The following AOPEP variants were observed in gnomAD, a reference collection of about 807,000 sequenced individuals.
The protein encoded by AOPEP is aminopeptidase O (putative).
A neutral mutation model predicts 98.1 loss-of-function variants in AOPEP; 77 were observed. That is an observed-to-expected ratio of 0.78 (90% CI 0.65 to 0.95). The LOEUF is 0.95. Among genes scored for constraint, AOPEP ranks in the 40% least tolerant of loss-of-function variants. The pLI is 0.00. For synonymous variants in AOPEP, 346 were observed against 365.3 expected, an observed-to-expected ratio of 0.95 and a Z score of 0.60; for missense variants, 1,024 against 1,024.7, an observed-to-expected ratio of 1.00 and a Z score of 0.01.
At chr9:94,914,333 C>T (rs2052493183) in intron 5 of AOPEP, among the ~76,000 whole-genome samples, 1 of 152,208 alleles carries the variant, frequency 6.6e-6, no homozygotes, top group Non-Finnish European at 1.5e-5. Context: ...GGACCAGCTC[C>T]GATTCAGCTG....
intron 5 of AOPEP, among the ~76,000 whole-genome samples, chr9:94,861,129 T>G (rs973684244): frequency 6.6e-5 from 10 of 152,152 alleles, no homozygotes; most frequent in Admixed American, 2.6e-4. Context: ...ACTCTGCATA[T>G]GGATGGCAGT....
At chr9:95,008,438 AGGAGCTACAC>A (rs1368870206) in intron 13 of AOPEP, among the ~76,000 whole-genome samples, 1 of 152,220 alleles carries the variant, frequency 6.6e-6, no homozygotes, top group African/African-American at 2.4e-5. Context: ...GCGCTGAGCA[AGGAGCTACAC>A]GGTAGAACGG....
At chr9:94,922,804 T>G (rs1198317032) in intron 5 of AOPEP, among the ~76,000 whole-genome samples, 1 of 152,236 alleles carries the variant, frequency 6.6e-6, no homozygotes, top group East Asian at 1.9e-4. Context: ...CTGTTATTAC[T>G]TCACATGAAA....
chr9:94,822,226 C>T (rs1241311237), intron 5 of AOPEP, among the ~76,000 whole-genome samples: 9 of 152,186 alleles, frequency 5.9e-5, no homozygotes, highest in Non-Finnish European at 1.2e-4. Flanking sequence ...GGCCCTTTGA[C>T]CCCTTTAAGG....
intron 7 of AOPEP, chr9:94,931,928 T>C (rs2055381371): frequency 8.8e-7 from 1 of 1,139,450 alleles, no homozygotes; most frequent in Admixed American, 2.9e-5. Flanking sequence ...TCCACTTCAA[T>C]AGCCCAAGGC....
At chr9:95,029,364 G>A (rs376521685) in intron 13 of AOPEP, among the ~76,000 whole-genome samples, 12 of 152,146 alleles carry the variant, frequency 7.9e-5, no homozygotes, top group Non-Finnish European at 1.3e-4. Context: ...TTTTGTCTGC[G>A]TGTGTTACTG....
intron 13 of AOPEP, among the ~76,000 whole-genome samples, chr9:95,007,284 A>AT (rs2062102857): frequency 6.6e-6 from 1 of 151,864 alleles, no homozygotes; most frequent in Non-Finnish European, 1.5e-5. Context: ...ATCTTTGTGG[A>AT]TTACTAGATG....
chr9:94,937,036 G>A (rs1243780094), intron 7 of AOPEP, among the ~76,000 whole-genome samples: 4 of 152,180 alleles, frequency 2.6e-5, no homozygotes, highest in South Asian at 2.1e-4. Flanking sequence ...TGGAGGCTTC[G>A]TTATACAGAC....
intron 13 of AOPEP, among the ~76,000 whole-genome samples, chr9:95,030,241 A>G (rs1343410346): frequency 6.6e-6 from 1 of 152,208 alleles, no homozygotes; most frequent in Non-Finnish European, 1.5e-5. Flanking sequence ...TTGTCTTTTA[A>G]GAAGAATAAT....
chr9:95,071,151 T>A (rs967050473), intron 14 of AOPEP, among the ~76,000 whole-genome samples: 3 of 152,120 alleles, frequency 2.0e-5, no homozygotes, highest in Non-Finnish European at 4.4e-5. Flanking sequence ...AGACCAGAAA[T>A]GTTTCAGATT....
the AOPEP span, among the ~76,000 whole-genome samples, chr9:95,139,852 A>G: frequency 6.8e-6 from 1 of 147,058 alleles, no homozygotes; most frequent in Non-Finnish European, 1.5e-5. Context: ...ATATATATAT[A>G]AATATATATA....
At chr9:94,925,263 A>G (rs1274131292) in intron 6 of AOPEP, among the ~76,000 whole-genome samples, 1 of 152,248 alleles carries the variant, frequency 6.6e-6, no homozygotes, top group Non-Finnish European at 1.5e-5. Context: ...TGCTGGGATT[A>G]CAGGCGTGAG....
At chr9:94,858,124 A>G (rs984318851) in intron 5 of AOPEP, among the ~76,000 whole-genome samples, 1 of 151,838 alleles carries the variant, frequency 6.6e-6, no homozygotes, top group South Asian at 2.1e-4. Context: ...ACCCTGGTTA[A>G]TTGTTACATC....
chr9:94,901,865 C>T (rs776269781), intron 5 of AOPEP, among the ~76,000 whole-genome samples: 4 of 151,854 alleles, frequency 2.6e-5, no homozygotes, highest in African/African-American at 9.7e-5. Context: ...GCTGAGATCG[C>T]GCCACTGCAC....
At chr9:94,918,478 G>A (rs1254671570) in intron 5 of AOPEP, among the ~76,000 whole-genome samples, 1 of 152,142 alleles carries the variant, frequency 6.6e-6, no homozygotes, top group Non-Finnish European at 1.5e-5. Context: ...GCTTGAGCTG[G>A]CACAGAGGGA....
chr9:94,801,137 C>G, intron 5 of AOPEP, 135 bp downstream of exon 5: 2 of 1,025,056 alleles, frequency 2.0e-6, no homozygotes, highest in Non-Finnish European at 3.0e-6. Flanking sequence ...GCTTGGACAT[C>G]TCATTGCTGC....
At chr9:94,890,383 G>A (rs2048746647) in intron 5 of AOPEP, among the ~76,000 whole-genome samples, 1 of 151,334 alleles carries the variant, frequency 6.6e-6, no homozygotes, top group South Asian at 2.1e-4. Context: ...GGCTGGTCTT[G>A]AACTCCTGAC....
At chr9:94,890,588 G>A (rs1347670298) in intron 5 of AOPEP, among the ~76,000 whole-genome samples, 2 of 152,058 alleles carry the variant, frequency 1.3e-5, no homozygotes, top group East Asian at 1.9e-4. Flanking sequence ...AAAATTGTTT[G>A]TAGATCTTTC....
intron 5 of AOPEP, among the ~76,000 whole-genome samples, chr9:94,919,793 A>T (rs10993398): frequency 0.35 from 53,832 of 151,782 alleles, 10,176 homozygotes; most frequent in Non-Finnish European, 0.43. Flanking sequence ...GCTGCTCATG[A>T]TTATAAGACC....
Sources: gnomAD v4.1 joint callset for allele counts (sites outside exome capture counted in the v4.1 genomes callset) on GRCh38, gnomAD v4.1.1 for gene constraint, MANE v1.5 for transcripts, NCBI Gene and HGNC (gene_info 2026-07-23, HGNC 2026-07-21) for gene names.